The following RBFOX1 variants were observed in gnomAD, a reference collection of about 807,000 sequenced individuals.
RBFOX1 encodes the protein RNA binding protein fox-1 homolog 1.
A neutral mutation model predicts 57.7 loss-of-function variants in RBFOX1; 8 were observed. The observed-to-expected ratio is 0.14, with a 90% CI of 0.08 to 0.25. RBFOX1 has a LOEUF of 0.25. Among genes scored for constraint, RBFOX1 ranks in the 10% least tolerant of loss-of-function variants. The probability of loss-of-function intolerance (pLI) is 1.00; values close to 1 mark genes in which losing one functional copy is unlikely to be tolerated. For synonymous variants in RBFOX1, 326 were observed against 222.4 expected, an observed-to-expected ratio of 1.47 and a Z score of -4.15; for missense variants, 611 against 548.5, an observed-to-expected ratio of 1.11 and a Z score of -1.14.
In RBFOX1 at chr16:6,444,655, G is replaced by A. The variant is rs1255299074; in HGVS notation, c.-64+127598G>A. Among the ~76,000 whole-genome samples the A allele has an allele frequency of 2.0e-5, 3 of 152,016 alleles. No individual in the cohort carries two copies. The East Asian group carries it at 5.8e-4, about 29-fold the overall frequency. On this transcript the variant is annotated intron_variant, in intron 2 of 15. Coordinates refer to ENST00000550418, the MANE Select transcript of RBFOX1 (RefSeq NM_018723.4). Reference sequence around the variant, plus strand: ...AACCTTTTTTTTTTCCTAGTCTTGGGTATGTCTTTATCAGCAGGGTTAAAA... The same window carrying A: ...AACCTTTTTTTTTTCCTAGTCTTGGATATGTCTTTATCAGCAGGGTTAAAA...
intron 3 of RBFOX1, among the ~76,000 whole-genome samples, chr16:6,832,409 C>G (rs2092771771): frequency 6.6e-6 from 1 of 152,162 alleles, no homozygotes; most frequent in Non-Finnish European, 1.5e-5. Context: ...TTAATAGTGA[C>G]TGAGGGGTCT....
chr16:5,821,140 C>G (rs1048628225), intron 3 of RBFOX1, among the ~76,000 whole-genome samples: 4 of 152,262 alleles, frequency 2.6e-5, no homozygotes, highest in South Asian at 2.1e-4. Flanking sequence ...GACAAAGGCT[C>G]TCTGCTGCAG....
At chr16:5,657,728 TTTTCTTTTC>T (rs2049494269) in intron 3 of RBFOX1, among the ~76,000 whole-genome samples, 2 of 68,864 alleles carry the variant, frequency 2.9e-5, no homozygotes, top group Non-Finnish European at 7.5e-5. Context: ...CTTTTGTTTC[TTTTCTTTTC>T]TTTTTTTTTT....
intron 4 of RBFOX1, among the ~76,000 whole-genome samples, chr16:7,110,375 G>A (rs750982): frequency 0.22 from 32,784 of 149,640 alleles, 3,773 homozygotes; most frequent in East Asian, 0.42. Flanking sequence ...AAAAAAGATC[G>A]TTCCCACTTT....
At chr16:7,571,057 G>A (rs571547151) in intron 5 of RBFOX1, among the ~76,000 whole-genome samples, 1 of 152,246 alleles carries the variant, frequency 6.6e-6, no homozygotes, top group Admixed American at 6.5e-5. Flanking sequence ...ACAGGGAGGG[G>A]AACAACACAC....
intron 3 of RBFOX1, among the ~76,000 whole-genome samples, chr16:5,713,393 A>G (rs1026347726): frequency 2.0e-5 from 3 of 152,102 alleles, no homozygotes; most frequent in Non-Finnish European, 4.4e-5. Context: ...TGCCATTTGA[A>G]CCATAGAGAT....
chr16:6,779,965 ATATATATT>A (rs1188535426), intron 3 of RBFOX1, among the ~76,000 whole-genome samples: 648 of 40,688 alleles, frequency 0.016, 144 homozygotes, highest in Non-Finnish European at 0.022. Context: ...TTATATATTT[ATATATATT>A]TATATATTTA....
At chr16:7,683,902 G>A (rs181181799) in intron 14 of RBFOX1, among the ~76,000 whole-genome samples, 1 of 152,014 alleles carries the variant, frequency 6.6e-6, no homozygotes, top group Non-Finnish European at 1.5e-5. Flanking sequence ...GAATATCTTA[G>A]CTCATGCAGC....
rs113131663 is a variant in RBFOX1 at position 7,530,503 on chromosome 16, TAA to T, written c.270+12128_270+12129del. On this transcript the variant is annotated intron_variant, in intron 5 of 15. Transcript: ENST00000550418. ...TTCTCACAAAGACTTCCAGACTTCT[TAA>T]AAAAAAAAAAAAAGTCTTCATTTTA... Among the ~76,000 whole-genome samples the T allele has an allele frequency of 1.6e-3, 227 of 138,936 alleles. 1 individual carries two copies. The highest frequency in any genetic ancestry group is 5.6e-3 in the African/African-American group (211 of 37,718). 91.1% of individuals were successfully genotyped at this position (138,936 alleles called of 152,430 possible). A position where few individuals can be genotyped will look rare whatever the true frequency, so the allele number is the denominator to read the frequency against.
chr16:6,254,648 G>A (rs929047474), intron 1 of RBFOX1, among the ~76,000 whole-genome samples: 7 of 152,102 alleles, frequency 4.6e-5, no homozygotes, highest in Non-Finnish European at 7.4e-5. Context: ...TAGTCTCTGC[G>A]TGAAATTCCA....
At chr16:5,616,454 C>G (rs1460336696) in intron 3 of RBFOX1, among the ~76,000 whole-genome samples, 1 of 152,158 alleles carries the variant, frequency 6.6e-6, no homozygotes, top group Admixed American at 6.5e-5. Context: ...GCAGGAGGTT[C>G]TTGTGTCACA....
At chr16:6,513,579 C>T (rs1017115638) in intron 2 of RBFOX1, among the ~76,000 whole-genome samples, 1 of 151,966 alleles carries the variant, frequency 6.6e-6, no homozygotes, top group Admixed American at 6.6e-5. Context: ...ACTAAAAATA[C>T]AAAAATTAGC....
At chr16:6,448,611 G>C (rs1039283273) in intron 2 of RBFOX1, among the ~76,000 whole-genome samples, 11 of 152,154 alleles carry the variant, frequency 7.2e-5, no homozygotes, top group African/African-American at 2.7e-4. Context: ...AAAATCTCTA[G>C]ATGTTTCTTT....
At chr16:5,599,161 C>T (rs559197030) in exon 3 of RBFOX1, 7 of 708,004 alleles carry the variant, frequency 9.9e-6, no homozygotes, top group Admixed American at 2.0e-5. Flanking sequence ...TATTCCCAGC[C>T]TCTGGTACAT....
chr16:7,692,465 C>A (rs2077557934), intron 14 of RBFOX1, among the ~76,000 whole-genome samples: 1 of 152,078 alleles, frequency 6.6e-6, no homozygotes, highest in Non-Finnish European at 1.5e-5. Flanking sequence ...ATGCATTTAT[C>A]TTGGTTCTTG....
chr16:7,212,007 C>A (rs1432118019), intron 4 of RBFOX1, among the ~76,000 whole-genome samples: 1 of 152,136 alleles, frequency 6.6e-6, no homozygotes, highest in East Asian at 1.9e-4. Flanking sequence ...AAATAACCTG[C>A]CTTGCCTGGC....
intron 1 of RBFOX1, among the ~76,000 whole-genome samples, chr16:5,250,255 C>G (rs1567234784): frequency 6.6e-6 from 1 of 152,088 alleles, no homozygotes; most frequent in Non-Finnish European, 1.5e-5. Context: ...CTTTCCACAT[C>G]TTTTTCTTTT....
At chr16:7,707,306 C>G (rs1038853945) in intron 14 of RBFOX1, among the ~76,000 whole-genome samples, 1 of 152,106 alleles carries the variant, frequency 6.6e-6, no homozygotes, top group Non-Finnish European at 1.5e-5. Flanking sequence ...TCTTCACCTT[C>G]TCAGACTCCA....
chr16:6,525,558 A>G (rs1396459478), intron 2 of RBFOX1, among the ~76,000 whole-genome samples: 2 of 152,218 alleles, frequency 1.3e-5, no homozygotes, highest in Admixed American at 1.3e-4. Context: ...TAAAGAACAG[A>G]AATTTATTTT....
Sources: allele counts gnomAD v4.1 joint callset (sites outside exome capture counted in the v4.1 genomes callset), GRCh38; gene constraint gnomAD v4.1.1; transcripts MANE v1.5; gene names NCBI Gene and HGNC (gene_info 2026-07-23, HGNC 2026-07-21).